The following CSMD2 variants were observed in gnomAD, a reference collection of about 807,000 sequenced individuals.
CSMD2 encodes the protein CUB and Sushi multiple domains 2, also known as CUB and sushi domain-containing protein 2.
A neutral mutation model predicts 398.5 loss-of-function variants in CSMD2; 130 were observed. That is an observed-to-expected ratio of 0.33 (90% CI 0.28 to 0.38). CSMD2 has a LOEUF of 0.38. CSMD2 is among the 10% of genes least tolerant of loss of function. CSMD2 has a pLI of 1.00. For missense variants in CSMD2, 3,829 were observed against 4,764.9 expected (o/e 0.80, Z 5.78); for synonymous variants, 1,828 against 1,908.5 (o/e 0.96, Z 1.10).
In CSMD2 at chr1:33,750,415, G is replaced by A. The variant is rs1253776780; in HGVS notation, c.1847-6809C>T. Reference sequence around the variant, plus strand: ...TACTATTATTAACCTACTTTACAGAGACAGACGCTGAGTCCAAATGTTAAA... The same window carrying A: ...TACTATTATTAACCTACTTTACAGAAACAGACGCTGAGTCCAAATGTTAAA... On this transcript the variant is annotated intron_variant, in intron 13 of 70. Transcript: ENST00000373381. Among the ~76,000 whole-genome samples the A allele has an allele frequency of 3.9e-5, 6 of 152,094 alleles. No individual in the cohort carries two copies. The East Asian group carries it at 9.6e-4, about 24-fold the overall frequency.
chr1:33,581,376 A>C lies in CSMD2; in HGVS notation c.7241-477T>G, dbSNP rs540392719. 3.4e-3 allele frequency among the ~76,000 whole-genome samples: 502 copies of C among 149,118 alleles called. 5 individuals are homozygous for C. Among genetic ancestry groups the C allele is most frequent in the African/African-American group, 0.012 (480 of 40,882 alleles). The stretch of plus-strand genomic sequence containing the variant: ...TACTAAAAAAAAAAAAAAAAAAAAA[A>C]AAAAATACAAAAATTATCTGGTCAT... On this transcript the variant is annotated intron_variant, in intron 47 of 70. Transcript: ENST00000373381.
At chr1:33,941,112 C>G (rs896478879) in intron 3 of CSMD2, among the ~76,000 whole-genome samples, 1 of 152,126 alleles carries the variant, frequency 6.6e-6, no homozygotes, top group Non-Finnish European at 1.5e-5. Context: ...ACATCCAACG[C>G]AGCCCAGAAC....
Position 33,633,591 on chromosome 1 carries a change from G to C in CSMD2, c.5087-56C>G. On this transcript the variant is annotated intron_variant, in intron 31 of 70. Transcript: ENST00000373381. The surrounding 1 kb of genome is among the most constrained non-coding windows in gnomAD (Gnocchi z 5.0). The stretch of plus-strand genomic sequence containing the variant: ...CAGGCACGCTGGGGGCAGGAGAGGG[G>C]ATCTAGGGGTCTAGGGGCCCAAGCC... 2 of 1,348,600 alleles carry C rather than the reference G, an allele frequency of 1.5e-6. No homozygotes were observed. The highest frequency in any genetic ancestry group is 2.1e-6 in the Non-Finnish European group (2 of 962,450). The allele number at this position is 1,348,600 out of a possible 1,614,324, so 83.5% of individuals were successfully genotyped here.
intron 3 of CSMD2, among the ~76,000 whole-genome samples, chr1:33,969,238 A>T (rs1019586809): frequency 7.9e-5 from 12 of 152,250 alleles, no homozygotes; most frequent in Non-Finnish European, 1.5e-5. Flanking sequence ...AGACAGTGTG[A>T]AAGGAACAAT....
chr1:33,680,196 C>T (rs1184689264), intron 25 of CSMD2, among the ~76,000 whole-genome samples: 3 of 137,870 alleles, frequency 2.2e-5, no homozygotes, highest in African/African-American at 5.4e-5. Flanking sequence ...TATTGTGATC[C>T]CTGCTTTTTA....
intron 12 of CSMD2, among the ~76,000 whole-genome samples, chr1:33,777,114 G>A (rs970640222): frequency 1.3e-5 from 2 of 152,140 alleles, no homozygotes; most frequent in Non-Finnish European, 2.9e-5. Flanking sequence ...TGGCATCGGC[G>A]AGCAAGCATA....
At chr1:33,699,432 T>G (rs916691048) in intron 23 of CSMD2, among the ~76,000 whole-genome samples, 4 of 152,228 alleles carry the variant, frequency 2.6e-5, no homozygotes, top group African/African-American at 4.8e-5. Flanking sequence ...TCATTTGTTA[T>G]TCACAGGAGT....
intron 2 of CSMD2, among the ~76,000 whole-genome samples, chr1:34,066,244 C>T (rs1219093538): frequency 6.6e-6 from 1 of 152,172 alleles, no homozygotes; most frequent in Admixed American, 6.5e-5. Flanking sequence ...CTAATATATA[C>T]ACTGCATATA....
In CSMD2 at chr1:33,997,986, T is replaced by A. The variant is rs113732764; in HGVS notation, c.517+34608A>T. Among the ~76,000 whole-genome samples, 806 of 152,282 alleles carry A rather than the reference T, an allele frequency of 5.3e-3. 6 individuals are homozygous for A. Among genetic ancestry groups the A allele is most frequent in the Non-Finnish European group, 7.1e-3 (481 of 68,020 alleles). On this transcript the variant is annotated intron_variant, in intron 3 of 70. Transcript: ENST00000373381. The stretch of plus-strand genomic sequence containing the variant: ...CAGACCAAGGACCCTGTTATGATTT[T>A]GAATATTTGTTGCCTTTACAATTCA...
chr1:33,637,056 T>C (rs1642850598), intron 29 of CSMD2, among the ~76,000 whole-genome samples: 1 of 152,228 alleles, frequency 6.6e-6, no homozygotes, highest in Middle Eastern at 3.2e-3. Flanking sequence ...AGTCTGCTTT[T>C]GGAGATGCTC....
intron 44 of CSMD2, chr1:33,592,104 CCT>C (rs980758004): frequency 2.4e-6 from 1 of 410,366 alleles, no homozygotes; most frequent in Non-Finnish European, 4.5e-6. Context: ...AGCAAAAAAG[CCT>C]CTCAGAGAAG....
intron 3 of CSMD2, among the ~76,000 whole-genome samples, chr1:33,950,246 T>A (rs750052936): frequency 1.3e-5 from 2 of 152,040 alleles, no homozygotes; most frequent in Non-Finnish European, 2.9e-5. Context: ...TAAAAGCGCT[T>A]CAGTTGGTGT....
rs149016729 is a variant in CSMD2 at position 34,104,196 on chromosome 1, C to T, written c.188-15003G>A. ...CCGCACTAGTGAATGTCATTTTTCT[C>T]ATTATTTTTTTCTAACTGGTTTTTA... On this transcript the variant is annotated intron_variant, in intron 1 of 70. Transcript: ENST00000373381. Among the ~76,000 whole-genome samples, 599 of 152,256 alleles carry T rather than the reference C, an allele frequency of 3.9e-3. 2 individuals are homozygous for T. The highest frequency in any genetic ancestry group is 6.8e-3 in the Non-Finnish European group (461 of 68,016).
chr1:33,662,401 A>G (rs749661463), intron 26 of CSMD2, among the ~76,000 whole-genome samples: 2 of 151,050 alleles, frequency 1.3e-5, no homozygotes, highest in Non-Finnish European at 3.0e-5. Context: ...CAAAGCCCAC[A>G]TTCCTGCATC....
intron 6 of CSMD2, among the ~76,000 whole-genome samples, chr1:33,844,827 A>G (rs892569960): frequency 6.6e-6 from 1 of 152,198 alleles, no homozygotes; most frequent in African/African-American, 2.4e-5. Flanking sequence ...GCACACTAAC[A>G]TGCAAAACTT....
intron 2 of CSMD2, among the ~76,000 whole-genome samples, chr1:34,056,990 C>A (rs1653904213): frequency 6.6e-6 from 1 of 152,182 alleles, no homozygotes; most frequent in Admixed American, 6.5e-5. Context: ...GGTATCAATA[C>A]ACTAACTCCC....
chr1:33,981,574 G>A (rs189647238), intron 3 of CSMD2, among the ~76,000 whole-genome samples: 7 of 152,242 alleles, frequency 4.6e-5, no homozygotes, highest in East Asian at 1.9e-4. Context: ...ACGTATTTCC[G>A]TCCTACTCTA....
At chr1:33,828,793 A>G (rs1028958268) in intron 6 of CSMD2, among the ~76,000 whole-genome samples, 7 of 152,208 alleles carry the variant, frequency 4.6e-5, no homozygotes, top group African/African-American at 1.7e-4. Flanking sequence ...TTCCTCCGCA[A>G]GGAAAGACTG....
chr1:33,838,400 A>G (rs1660527083), intron 6 of CSMD2: 1 of 152,162 alleles, frequency 6.6e-6, no homozygotes. Context: ...GTGATCTTTC[A>G]AAAACTGAAA....
Sources: gnomAD v4.1 joint callset for allele counts (sites outside exome capture counted in the v4.1 genomes callset) on GRCh38, gnomAD v4.1.1 for gene constraint, Gnocchi (gnomAD v3.1) non-coding constraint, MANE v1.5 for transcripts, NCBI Gene and HGNC (gene_info 2026-07-23, HGNC 2026-07-21) for gene names.